Variants in CCDC148 observed in about 807,000 individuals in gnomAD.
CCDC148 encodes coiled-coil domain containing 148, also known as coiled-coil domain-containing protein 148.
CCDC148 carries 89 observed loss-of-function variants against 85.7 expected under a neutral mutation model. That is an observed-to-expected ratio of 1.04 (90% CI 0.87 to 1.24). The LOEUF (loss-of-function observed/expected upper bound fraction) is 1.24. Ranked by LOEUF, CCDC148 falls within the 50% of genes most tolerant of loss-of-function variation. The probability of loss-of-function intolerance (pLI) is 0.00; values close to 1 mark genes in which losing one functional copy is unlikely to be tolerated. For synonymous variants in CCDC148, 230 were observed against 213.9 expected, an observed-to-expected ratio of 1.08 and a Z score of -0.66; for missense variants, 692 against 671.7, an observed-to-expected ratio of 1.03 and a Z score of -0.33.
intron 9 of CCDC148, 70 bp downstream of exon 9, chr2:158,309,363 T>G: frequency 4.5e-6 from 6 of 1,327,430 alleles, no homozygotes; most frequent in Non-Finnish European, 6.3e-6. Flanking sequence ...TTAGGTTGAG[T>G]TTGAACAAAA....
intron 11 of CCDC148, among the ~76,000 whole-genome samples, chr2:158,196,553 C>T (rs1430071137): frequency 2.0e-5 from 3 of 152,034 alleles, no homozygotes; most frequent in Non-Finnish European, 2.9e-5. Context: ...GTCAAATTTC[C>T]CATCTTTACT....
intron 1 of CCDC148, among the ~76,000 whole-genome samples, chr2:158,433,089 A>ATATATATATATATATATAT (rs57003336): frequency 3.1e-5 from 2 of 65,054 alleles, no homozygotes; most frequent in East Asian, 5.0e-4. Flanking sequence ...AAAAAAAAAA[A>ATATATATATATATATATAT]AAATATATAT....
At chr2:158,262,348 G>T (rs1689266587) in intron 9 of CCDC148, among the ~76,000 whole-genome samples, 1 of 151,988 alleles carries the variant, frequency 6.6e-6, no homozygotes, top group Admixed American at 6.6e-5. Context: ...ACAGACAATG[G>T]AGTCTATTTG....
At chr2:158,317,333 A>AAT (rs1692327633) in intron 7 of CCDC148, among the ~76,000 whole-genome samples, 1 of 152,134 alleles carries the variant, frequency 6.6e-6, no homozygotes, top group South Asian at 2.1e-4. Flanking sequence ...AAGATTTTAC[A>AAT]ATTTGTAAGT....
Position 158,304,012 on chromosome 2 carries a change from T to C in CCDC148, c.1110+5421A>G, listed in dbSNP as rs1170730338. Among the ~76,000 whole-genome samples the C allele has an allele frequency of 4.6e-5, 7 of 152,152 alleles. No homozygotes were observed. In the East Asian group the frequency reaches 1.4e-3, roughly 29 times the overall value. ...CATCAACAAAATGTGGCATTGTTTT[T>C]GTCCTCCATTCAGATGTTCTCCAAC... On this transcript the variant is annotated intron_variant, in intron 9 of 13. Transcript: ENST00000283233.
At chr2:158,358,679 T>G in intron 1 of CCDC148, 109 bp from the exon 2 acceptor site, 1 of 586,716 alleles carries the variant, frequency 1.7e-6, no homozygotes, top group Non-Finnish European at 2.6e-6. Context: ...TTAAATATTT[T>G]TAAGCAAATA....
intron 11 of CCDC148, among the ~76,000 whole-genome samples, chr2:158,189,744 T>C (rs943362731): frequency 2.6e-5 from 4 of 151,910 alleles, no homozygotes; most frequent in Non-Finnish European, 4.4e-5. Flanking sequence ...CTGAATGGCA[T>C]AGACACATAG....
chr2:158,281,548 A>C (rs962339053), intron 9 of CCDC148, among the ~76,000 whole-genome samples: 6 of 152,196 alleles, frequency 3.9e-5, no homozygotes, highest in African/African-American at 1.4e-4. Flanking sequence ...AAATTCCTCG[A>C]CACATACACT....
chr2:158,434,792 G>A (rs1487979544), intron 1 of CCDC148, among the ~76,000 whole-genome samples: 1 of 152,194 alleles, frequency 6.6e-6, no homozygotes, highest in Non-Finnish European at 1.5e-5. Flanking sequence ...ATGACCTGAT[G>A]GAGCTGAAAA....
intron 11 of CCDC148, among the ~76,000 whole-genome samples, chr2:158,193,854 TC>T (rs1685534587): frequency 9.8e-6 from 1 of 102,442 alleles, no homozygotes; most frequent in African/African-American, 3.7e-5. Context: ...CCTAATGCTA[TC>T]CCTCCCCCCA....
intron 9 of CCDC148, among the ~76,000 whole-genome samples, chr2:158,269,456 T>G (rs1689606976): frequency 6.6e-6 from 1 of 152,112 alleles, no homozygotes; most frequent in African/African-American, 2.4e-5. Context: ...TGCTCCAGGG[T>G]TTCTCTGCCC....
At chr2:158,390,268 T>C (rs535303269) in intron 1 of CCDC148, among the ~76,000 whole-genome samples, 1 of 152,172 alleles carries the variant, frequency 6.6e-6, no homozygotes, top group Admixed American at 6.6e-5. Flanking sequence ...AAACCAGTCT[T>C]CAGTCAAGAC....
intron 11 of CCDC148, among the ~76,000 whole-genome samples, chr2:158,193,919 T>A (rs1467346948): frequency 1.6e-5 from 2 of 125,556 alleles, no homozygotes; most frequent in Non-Finnish European, 3.2e-5. Context: ...CCAATGTAAA[T>A]GATGAGTTAA....
chr2:158,440,811 T>C (rs186411036), intron 1 of CCDC148, among the ~76,000 whole-genome samples: 6 of 152,348 alleles, frequency 3.9e-5, no homozygotes, highest in Non-Finnish European at 7.3e-5. Context: ...GAACTAATGT[T>C]GAACAAACTG....
At chr2:158,179,106 AT>A (rs557913954) in intron 11 of CCDC148, 110 bp from the exon 12 acceptor site, 21,575 of 431,998 alleles carry the variant, frequency 0.05, no homozygotes, top group East Asian at 0.064. Flanking sequence ...GCACTGTCAC[AT>A]TTTTTTTTTT....
At chr2:158,385,817 G>C (rs1011729669) in intron 1 of CCDC148, among the ~76,000 whole-genome samples, 1 of 152,008 alleles carries the variant, frequency 6.6e-6, no homozygotes, top group Non-Finnish European at 1.5e-5. Flanking sequence ...GCAAGATAGG[G>C]CCTCTTGAAA....
At chr2:158,269,561 C>G (rs1333383518) in intron 9 of CCDC148, among the ~76,000 whole-genome samples, 2 of 152,106 alleles carry the variant, frequency 1.3e-5, no homozygotes, top group Admixed American at 6.6e-5. Context: ...ATTGGTCAAC[C>G]CTTGACCACT....
At chr2:158,333,494 T>G (rs1201543575) in intron 7 of CCDC148, among the ~76,000 whole-genome samples, 2 of 152,160 alleles carry the variant, frequency 1.3e-5, no homozygotes, top group Non-Finnish European at 2.9e-5. Context: ...GCATATTTTG[T>G]TGATTTGGGG....
intron 10 of CCDC148, among the ~76,000 whole-genome samples, chr2:158,233,342 C>T (rs931007900): frequency 6.6e-5 from 10 of 150,882 alleles, no homozygotes; most frequent in Admixed American, 3.3e-4. Context: ...GTTCCTGTAC[C>T]CCCTAAAATC....
Sources: gnomAD v4.1 joint callset for allele counts (sites outside exome capture counted in the v4.1 genomes callset) on GRCh38, gnomAD v4.1.1 for gene constraint, MANE v1.5 for transcripts, NCBI Gene and HGNC (gene_info 2026-07-23, HGNC 2026-07-21) for gene names.